AUTS2: variants seen among roughly 807,000 people sequenced by gnomAD.
AUTS2 encodes activator of transcription and developmental regulator AUTS2.
AUTS2 carries 17 observed loss-of-function variants against 112.4 expected under a neutral mutation model. The ratio of observed to expected loss-of-function variants is 0.15; its 90% CI spans 0.10 to 0.23. The LOEUF (loss-of-function observed/expected upper bound fraction) is 0.23. AUTS2 is among the 10% of genes least tolerant of loss of function. AUTS2 has a pLI of 1.00. For synonymous variants in AUTS2, 751 were observed against 702.7 expected, an observed-to-expected ratio of 1.07 and a Z score of -1.09; for missense variants, 1,510 against 1,701.6, an observed-to-expected ratio of 0.89 and a Z score of 1.98.
intron 5 of AUTS2, among the ~76,000 whole-genome samples, chr7:70,609,810 C>T (rs538825074): frequency 6.6e-6 from 1 of 152,264 alleles, no homozygotes; most frequent in Non-Finnish European, 1.5e-5. Context: ...CATCTGTCAG[C>T]GGACACTTAG....
intron 5 of AUTS2, among the ~76,000 whole-genome samples, chr7:70,671,585 A>G (rs995305311): frequency 1.3e-5 from 2 of 152,178 alleles, no homozygotes; most frequent in African/African-American, 4.8e-5. Flanking sequence ...AAGACAACAC[A>G]TTTCAAGGCT....
intron 4 of AUTS2, among the ~76,000 whole-genome samples, chr7:70,391,879 C>A (rs1439383532): frequency 1.3e-5 from 2 of 152,142 alleles, no homozygotes; most frequent in African/African-American, 4.8e-5. Context: ...AGCTTGAGTT[C>A]TTTTCCAGTA....
At chr7:70,721,279 CGTGTGTGTGTGTGT>C (rs55885084) in intron 6 of AUTS2, among the ~76,000 whole-genome samples, 5 of 140,052 alleles carry the variant, frequency 3.6e-5, no homozygotes, top group Non-Finnish European at 4.6e-5. Context: ...GAATTTCATT[CGTGTGTGTGTGTGT>C]GTGTGTGTGT....
chr7:70,211,420 C>T (rs1810885064), intron 4 of AUTS2, among the ~76,000 whole-genome samples: 1 of 150,730 alleles, frequency 6.6e-6, no homozygotes, highest in African/African-American at 2.4e-5. Context: ...GAGGCAGAAG[C>T]GGGCGGATCA....
intron 1 of AUTS2, among the ~76,000 whole-genome samples, chr7:69,615,015 T>G (rs1793291538): frequency 6.6e-6 from 1 of 152,206 alleles, no homozygotes; most frequent in South Asian, 2.1e-4. Context: ...AACCACAAAG[T>G]CTAGGGCTTT....
intron 4 of AUTS2, among the ~76,000 whole-genome samples, chr7:70,284,536 A>T (rs1214531979): frequency 1.3e-5 from 2 of 152,026 alleles, no homozygotes; most frequent in African/African-American, 4.8e-5. Flanking sequence ...AAAAAAATCT[A>T]TTTTTGTTTT....
chr7:69,938,096 T>A (rs1291019672), intron 2 of AUTS2, among the ~76,000 whole-genome samples: 2 of 152,212 alleles, frequency 1.3e-5, no homozygotes, highest in African/African-American at 4.8e-5. Context: ...AGAAATAATC[T>A]TCTTAAAGCC....
At chr7:70,785,339 T>G in intron 16 of AUTS2, 1 of 566,656 alleles carries the variant, frequency 1.8e-6, no homozygotes, top group Non-Finnish European at 3.3e-6. Flanking sequence ...TCCTGCCCAT[T>G]GGAAGAAGAT....
chr7:70,036,342 T>C (rs578223390), intron 2 of AUTS2, among the ~76,000 whole-genome samples: 3 of 152,366 alleles, frequency 2.0e-5, no homozygotes, highest in Non-Finnish European at 2.9e-5. Flanking sequence ...ATGGGAATCA[T>C]ACTTGACTTG....
chr7:70,349,216 G>T (rs1042196138), intron 4 of AUTS2, among the ~76,000 whole-genome samples: 1 of 152,140 alleles, frequency 6.6e-6, no homozygotes, highest in African/African-American at 2.4e-5. Context: ...TCCTCTTCCT[G>T]GGTCTAATTC....
intron 4 of AUTS2, among the ~76,000 whole-genome samples, chr7:70,325,047 C>G (rs1310079677): frequency 6.6e-6 from 1 of 152,190 alleles, no homozygotes; most frequent in Non-Finnish European, 1.5e-5. Context: ...TGTCCCTTCT[C>G]TCATTACTGC....
intron 2 of AUTS2, among the ~76,000 whole-genome samples, chr7:69,933,396 G>A (rs1385025926): frequency 6.6e-6 from 1 of 152,160 alleles, no homozygotes; most frequent in African/African-American, 2.4e-5. Context: ...TATTCACAAA[G>A]TAAGTTTTGG....
chr7:70,465,377 G>A (rs1237894051), intron 5 of AUTS2, among the ~76,000 whole-genome samples: 1 of 152,160 alleles, frequency 6.6e-6, no homozygotes, highest in Non-Finnish European at 1.5e-5. Flanking sequence ...CAGGCTTCAG[G>A]TGTACATAGT....
intron 2 of AUTS2, among the ~76,000 whole-genome samples, chr7:70,077,032 G>A (rs1485964937): frequency 1.3e-5 from 2 of 152,156 alleles, no homozygotes; most frequent in African/African-American, 4.8e-5. Context: ...TGTAGAAGAG[G>A]AATTAGACTT....
At chr7:70,384,713 T>C (rs1213112330) in intron 4 of AUTS2, among the ~76,000 whole-genome samples, 3 of 152,220 alleles carry the variant, frequency 2.0e-5, no homozygotes, top group Admixed American at 6.5e-5. Context: ...TCAGAGCCTC[T>C]TTCTTCAGCC....
intron 1 of AUTS2, among the ~76,000 whole-genome samples, chr7:69,604,863 A>G (rs1022336260): frequency 1.3e-5 from 2 of 152,214 alleles, no homozygotes; most frequent in Non-Finnish European, 2.9e-5. Context: ...GGTTTAAACT[A>G]GTTTAGAGTA....
intron 2 of AUTS2, among the ~76,000 whole-genome samples, chr7:69,968,519 A>G (rs1325590761): frequency 2.0e-5 from 3 of 152,196 alleles, no homozygotes; most frequent in Non-Finnish European, 4.4e-5. Context: ...GGGAATTTAC[A>G]GGATTAGAAA....
At chr7:70,444,101 G>A (rs1796222020) in intron 5 of AUTS2, among the ~76,000 whole-genome samples, 1 of 152,128 alleles carries the variant, frequency 6.6e-6, no homozygotes, top group African/African-American at 2.4e-5. Flanking sequence ...GGAGGAGGCT[G>A]GGGGAGGTGA....
At chr7:70,304,282 G>A (rs545605230) in intron 4 of AUTS2, among the ~76,000 whole-genome samples, 18 of 152,338 alleles carry the variant, frequency 1.2e-4, no homozygotes, top group African/African-American at 3.4e-4. Flanking sequence ...TATGAGTGAG[G>A]AAACTGAGGC....
Sources: gnomAD v4.1 joint callset for allele counts (sites outside exome capture counted in the v4.1 genomes callset) on GRCh38, gnomAD v4.1.1 for gene constraint, MANE v1.5 for transcripts, NCBI Gene and HGNC (gene_info 2026-07-23, HGNC 2026-07-21) for gene names.